BNIPL: variants seen among roughly 807,000 people sequenced by gnomAD.
The protein encoded by BNIPL is BCL2 interacting protein like, also known as bcl-2/adenovirus E1B 19 kDa-interacting protein 2-like protein.
A neutral mutation model predicts 47.0 loss-of-function variants in BNIPL; 33 were observed. That is an observed-to-expected ratio of 0.70 (90% CI 0.53 to 0.94). The LOEUF is 0.94. Ranked by LOEUF, BNIPL falls within the 40% of genes least tolerant of loss-of-function variation. BNIPL has a pLI of 0.00. For missense variants in BNIPL, 404 were observed against 445.2 expected, an observed-to-expected ratio of 0.91 and a Z score of 0.83; for synonymous variants, 145 against 162.7, an observed-to-expected ratio of 0.89 and a Z score of 0.83.
chr1:151,040,795 CAAA>C (rs202172688), intron 4 of BNIPL, among the ~76,000 whole-genome samples: 18 of 122,008 alleles, frequency 1.5e-4, no homozygotes, highest in Non-Finnish European at 1.5e-4. Context: ...AACTCCATCT[CAAA>C]AAAAAAAAAA....
At chr1:151,037,691 A>G (rs746340614) in intron 2 of BNIPL, 29 bp downstream of exon 2, 19 of 1,551,148 alleles carry the variant, frequency 1.2e-5, no homozygotes, top group Non-Finnish European at 1.5e-5. Flanking sequence ...GGCTGGGAGA[A>G]GGGAGGGGTG....
Position 151,046,693 on chromosome 1 carries a change from G to A in BNIPL, c.*6G>A, listed in dbSNP as rs1314276056. The A allele has an allele frequency of 2.5e-6, 4 of 1,593,952 alleles. No homozygotes were observed. Among genetic ancestry groups the A allele is most frequent in the Admixed American group, 3.3e-5 (2 of 59,850 alleles). On this transcript the variant is annotated 3_prime_UTR_variant, in exon 10 of 10. Coordinates refer to ENST00000368931, the MANE Select transcript of BNIPL (RefSeq NM_138278.4). ...ATGGCTCAGGAGGGACATAGCACAGGACTGGATAAAAGGCCTTAGAACCAG... is the reference window on the plus strand; with the variant it reads ...ATGGCTCAGGAGGGACATAGCACAGAACTGGATAAAAGGCCTTAGAACCAG...
rs1675656732 is a variant in BNIPL at position 151,037,563 on chromosome 1, T to C, written c.42-4T>C. On this transcript the variant is annotated splice_region_variant and splice_polypyrimidine_tract_variant and intron_variant, in intron 1 of 9. Coordinates refer to ENST00000368931, the MANE Select transcript of BNIPL (RefSeq NM_138278.4). ...TGATCTTTTCTTCTTGGGGGCTGTC[T>C]TAGGGTCAGGGAGATTGCAGAAGCA... The C allele has an allele frequency of 1.9e-6, 3 of 1,601,068 alleles. No individual in the cohort carries two copies. The East Asian group carries it at 6.7e-5, about 36-fold the overall frequency.
At position 151,038,272 on chromosome 1, in the gene BNIPL, G is replaced by A. The variant is rs187039492; in HGVS notation, c.138-232G>A. 403 of 559,066 alleles carry A rather than the reference G, an allele frequency of 7.2e-4. 5 individuals are homozygous for A. The East Asian group carries it at 0.012, about 16-fold the overall frequency. 34.6% of individuals were successfully genotyped at this position (559,066 alleles called of 1,614,324 possible). On this transcript the variant is annotated intron_variant, in intron 2 of 9. Transcript: ENST00000368931. ...ACCTGTAGGCCCAGCTACTCGGGAG[G>A]CTGAGGTGGGAGGACCGCTTGAACC...
At position 151,036,778 on chromosome 1, in the gene BNIPL, C is replaced by G; in HGVS notation, c.41+12C>G. 6.3e-7 allele frequency: 1 copy of G among 1,599,820 alleles called. No individual in the cohort carries two copies. Among genetic ancestry groups the G allele is most frequent in the Non-Finnish European group, 8.6e-7 (1 of 1,167,028 alleles). On this transcript the variant is annotated intron_variant, in intron 1 of 9. Coordinates refer to ENST00000368931, the MANE Select transcript of BNIPL (RefSeq NM_138278.4). ...AAGACAGATGTTGGGTAAGTAAGAT[C>G]TTGGCTCACTTGATTGGTAACAGTG...
intron 4 of BNIPL, among the ~76,000 whole-genome samples, chr1:151,041,668 G>A (rs752978033): frequency 2.0e-5 from 3 of 152,256 alleles, no homozygotes; most frequent in Admixed American, 6.5e-5. Flanking sequence ...CATGGATTCA[G>A]TCATTCATCA....
In BNIPL at chr1:151,047,698, CGCGAGCGCGCCT is replaced by C; in HGVS notation, c.*1015_*1026del. The C allele has an allele frequency of 7.5e-7, 1 of 1,341,638 alleles. No homozygotes were observed. Among genetic ancestry groups the C allele is most frequent in the Non-Finnish European group, 9.7e-7 (1 of 1,027,460 alleles). The allele number at this position is 1,341,638 out of a possible 1,614,324, so 83.1% of individuals were successfully genotyped here. A position where few individuals can be genotyped will look rare whatever the true frequency, so the allele number is the denominator to read the frequency against. On this transcript the variant is annotated 3_prime_UTR_variant, in exon 10 of 10. Coordinates refer to ENST00000368931, the MANE Select transcript of BNIPL (RefSeq NM_138278.4). ...CCTTAGGAGCACCCCGCGCGGCCCG[CGCGAGCGCGCCT>C]GCGCGTCGAACCCCACCCCCTTCCC...
intron 4 of BNIPL, among the ~76,000 whole-genome samples, chr1:151,040,766 G>A (rs1675790762): frequency 6.9e-6 from 1 of 144,874 alleles, no homozygotes; most frequent in African/African-American, 2.6e-5. Flanking sequence ...CTGCACTCCA[G>A]CCTGGGCGAC....
At chr1:151,043,192 C>T (rs1390074226) in intron 5 of BNIPL, 54 bp downstream of exon 5, 1 of 1,572,382 alleles carries the variant, frequency 6.4e-7, no homozygotes, top group African/African-American at 1.4e-5. Context: ...AATAAAATGC[C>T]TAAGCTGGAG....
At chr1:151,039,519 G>A (rs1675747049) in intron 4 of BNIPL, among the ~76,000 whole-genome samples, 1 of 152,128 alleles carries the variant, frequency 6.6e-6, no homozygotes, top group Non-Finnish European at 1.5e-5. Flanking sequence ...TAGTTGGAGA[G>A]AGGGCATTCT....
chr1:151,044,775 C>G, intron 7 of BNIPL: 1 of 1,240,422 alleles, frequency 8.1e-7, no homozygotes. Flanking sequence ...TTTTCCTTCT[C>G]AGGTTTTTTT....
At chr1:151,046,509 T>A in intron 9 of BNIPL, 142 bp from the exon 10 acceptor site, 1 of 752,652 alleles carries the variant, frequency 1.3e-6, no homozygotes, top group East Asian at 2.7e-5. Context: ...GGAGAGGGTG[T>A]TAGGGAGCAA....
intron 4 of BNIPL, among the ~76,000 whole-genome samples, chr1:151,040,811 A>AAAG (rs1323318349): frequency 2.7e-5 from 4 of 147,166 alleles, no homozygotes; most frequent in Non-Finnish European, 4.5e-5. Context: ...AAAAAAAAAA[A>AAAG]AAGAAGAAGC....
intron 2 of BNIPL, among the ~76,000 whole-genome samples, chr1:151,038,236 T>C (rs1443832718): frequency 6.6e-6 from 1 of 151,776 alleles, no homozygotes; most frequent in Non-Finnish European, 1.5e-5. Flanking sequence ...TAGCCAAGTG[T>C]GGTGGTGCAC....
At chr1:151,045,530 G>A (rs1675985884) in intron 7 of BNIPL, 1 of 387,882 alleles carries the variant, frequency 2.6e-6, no homozygotes, top group Non-Finnish European at 4.2e-6. Flanking sequence ...CTACACTCCA[G>A]CCCAGGCGAC....
chr1:151,044,899 G>A (rs187934325), intron 7 of BNIPL: 1 of 1,289,734 alleles, frequency 7.8e-7, no homozygotes, highest in Non-Finnish European at 1.0e-6. Flanking sequence ...AGTAATCTTG[G>A]TCATGGAGCG....
At position 151,036,612 on chromosome 1, in the gene BNIPL, C is replaced by A; in HGVS notation, c.-114C>A. On this transcript the variant is annotated 5_prime_UTR_variant, in exon 1 of 10. Transcript: ENST00000368931. ...CCTTCCACACCTCCCTCCTTGGAGG[C>A]AAGAGCTACAACAGCTGAGACAGAA... The A allele has an allele frequency of 1.0e-6, 1 of 985,856 alleles. No homozygotes were observed. The highest frequency in any genetic ancestry group is 2.4e-5 in the East Asian group (1 of 41,272). The allele number at this position is 985,856 out of a possible 1,614,324, so 61.1% of individuals were successfully genotyped here.
At chr1:151,042,891 G>T in intron 4 of BNIPL, 65 bp from the exon 5 acceptor site, 1 of 1,269,074 alleles carries the variant, frequency 7.9e-7, no homozygotes, top group South Asian at 1.6e-5. Context: ...GGAATCTGAG[G>T]AAGTTACAAA....
At chr1:151,037,887 C>A (rs771704248) in intron 2 of BNIPL, among the ~76,000 whole-genome samples, 36 of 151,334 alleles carry the variant, frequency 2.4e-4, no homozygotes, top group Non-Finnish European at 4.9e-4. Flanking sequence ...GTAATCCCAG[C>A]TACTCGGGAG....
Sources: allele counts gnomAD v4.1 joint callset (sites outside exome capture counted in the v4.1 genomes callset), GRCh38; gene constraint gnomAD v4.1.1; transcripts MANE v1.5; gene names NCBI Gene and HGNC (gene_info 2026-07-23, HGNC 2026-07-21).